The following ERG variants were observed in gnomAD, a reference collection of about 807,000 sequenced individuals.
ERG encodes the protein transcriptional regulator ERG.
Under a neutral mutation model 55.3 loss-of-function variants are expected in ERG, and 9 were observed. The ratio of observed to expected loss-of-function variants is 0.16; its 90% CI spans 0.10 to 0.28. The LOEUF (loss-of-function observed/expected upper bound fraction) is 0.28, where lower values mean the gene tolerates loss of function less well. Ranked by LOEUF, ERG falls within the 10% of genes least tolerant of loss-of-function variation. The probability of loss-of-function intolerance (pLI) is 1.00; values close to 1 mark genes in which losing one functional copy is unlikely to be tolerated. For synonymous variants in ERG, 223 were observed against 237.3 expected (o/e 0.94, Z 0.55); for missense variants, 434 against 631.6 (o/e 0.69, Z 3.35).
At chr21:38,656,249 T>G (rs904025849) in intron 1 of ERG, among the ~76,000 whole-genome samples, 5 of 152,140 alleles carry the variant, frequency 3.3e-5, no homozygotes, top group African/African-American at 4.8e-5. Context: ...TTGTCCCATG[T>G]CATTGGGCCA....
chr21:38,658,347 C>T (rs1315361269), intron 1 of ERG, among the ~76,000 whole-genome samples: 1 of 152,150 alleles, frequency 6.6e-6, no homozygotes. Context: ...GGCTCTGTGT[C>T]GACACCTTCT....
chr21:38,552,846 G>GAAAAA (rs56278724), intron 2 of ERG, among the ~76,000 whole-genome samples: 1 of 127,878 alleles, frequency 7.8e-6, no homozygotes, highest in Admixed American at 8.2e-5. Flanking sequence ...TCAAGCAAGA[G>GAAAAA]AAAAAAAAAA....
chr21:38,438,150 G>A (rs923608113), intron 2 of ERG, among the ~76,000 whole-genome samples: 2 of 152,086 alleles, frequency 1.3e-5, no homozygotes, highest in African/African-American at 2.4e-5. Context: ...GTTTAATCAC[G>A]GGCATTCTCC....
At chr21:38,594,620 T>A (rs1177040016) in intron 1 of ERG, among the ~76,000 whole-genome samples, 2 of 152,060 alleles carry the variant, frequency 1.3e-5, no homozygotes, top group South Asian at 4.1e-4. Flanking sequence ...ACATAGCTGC[T>A]CCAGTAAGAA....
At chr21:38,594,784 A>G (rs757568137) in intron 1 of ERG, among the ~76,000 whole-genome samples, 1 of 152,368 alleles carries the variant, frequency 6.6e-6, no homozygotes, top group East Asian at 1.9e-4. Flanking sequence ...AATCAAATGC[A>G]GCTTGCAGAA....
At chr21:38,458,128 T>C (rs1468039595) in intron 1 of ERG, among the ~76,000 whole-genome samples, 3 of 152,124 alleles carry the variant, frequency 2.0e-5, no homozygotes, top group Non-Finnish European at 4.4e-5. Context: ...CCCTGGGCCC[T>C]GTAAAAGAGC....
chr21:38,453,270 AAAG>A (rs2058957816), intron 1 of ERG, among the ~76,000 whole-genome samples: 1 of 152,246 alleles, frequency 6.6e-6, no homozygotes, highest in Admixed American at 6.5e-5. Flanking sequence ...AACGTTTGCA[AAAG>A]AAGGAGGGAG....
chr21:38,394,504 C>T (rs9983916), intron 6 of ERG, among the ~76,000 whole-genome samples: 8,293 of 152,126 alleles, frequency 0.055, 345 homozygotes, highest in Admixed American at 0.12. Flanking sequence ...AGGTGCCTGC[C>T]ACCATGCCTG....
chr21:38,493,818 C>T (rs967255296), intron 1 of ERG, among the ~76,000 whole-genome samples: 4 of 152,198 alleles, frequency 2.6e-5, no homozygotes, highest in Non-Finnish European at 4.4e-5. Flanking sequence ...CCTTCCCTGT[C>T]CTGTGGCTGC....
At chr21:38,411,641 C>A (rs539165844) in intron 3 of ERG, among the ~76,000 whole-genome samples, 15 of 152,254 alleles carry the variant, frequency 9.9e-5, no homozygotes, top group African/African-American at 2.9e-4. Flanking sequence ...CGGTTTGTTA[C>A]TCTTTTGGCG....
At chr21:38,479,925 T>G (rs2059222059) in intron 1 of ERG, among the ~76,000 whole-genome samples, 1 of 152,198 alleles carries the variant, frequency 6.6e-6, no homozygotes, top group Non-Finnish European at 1.5e-5. Context: ...ACTTTCACCT[T>G]TTCACTGAAA....
At chr21:38,604,122 G>A (rs902553725) in intron 1 of ERG, among the ~76,000 whole-genome samples, 5 of 151,816 alleles carry the variant, frequency 3.3e-5, no homozygotes, top group African/African-American at 4.8e-5. Flanking sequence ...GCATGGTAGC[G>A]GGCGCCTGTG....
chr21:38,403,817 C>T, intron 3 of ERG, 108 bp from the exon 4 acceptor site: 1 of 1,025,440 alleles, frequency 9.8e-7, no homozygotes, highest in South Asian at 1.4e-5. Context: ...TCCACAAGCA[C>T]AGCCTCCAGC....
At position 38,383,356 on chromosome 21, in the gene ERG, G is replaced by C; in HGVS notation, c.*47C>G. ...CATGTTCTCCGATAGAGTTTGTGGC[G>C]ATGGGCTGGTGAATGCACGCTGATG... On this transcript the variant is annotated 3_prime_UTR_variant, in exon 10 of 10. Transcript: ENST00000288319. This position sits in a 1 kb window ranked among gnomAD's most constrained non-coding sequence, Gnocchi z 5.7. 1 of 1,440,136 alleles carries C rather than the reference G, an allele frequency of 6.9e-7. No individual in the cohort carries two copies. The highest frequency in any genetic ancestry group is 2.3e-5 in the East Asian group (1 of 42,630). The allele number at this position is 1,440,136 out of a possible 1,614,324, so 89.2% of individuals were successfully genotyped here.
rs146795824 is a variant in ERG, at chr21:38,624,494, C to T, written c.-150+37164G>A. Among the ~76,000 whole-genome samples, 11 of 152,310 alleles carry T rather than the reference C, an allele frequency of 7.2e-5. No individual in the cohort carries two copies. In the East Asian group the frequency reaches 1.7e-3, roughly 24 times the overall value. On this transcript the variant is annotated intron_variant, in intron 1 of 10. Transcript: ENST00000398910. ...AAAAAACTCTCCTCCCTACTCATCC[C>T]GGCGAACTCCTGCCTGCCCCTTAGA...
intron 3 of ERG, among the ~76,000 whole-genome samples, chr21:38,414,156 T>C (rs1427278561): frequency 1.3e-5 from 2 of 152,210 alleles, no homozygotes; most frequent in Admixed American, 1.3e-4. Flanking sequence ...AATTGAATGT[T>C]CCATTGCTTG....
chr21:38,465,295 G>C (rs1601442908), intron 1 of ERG, among the ~76,000 whole-genome samples: 1 of 152,174 alleles, frequency 6.6e-6, no homozygotes. Context: ...CAAGAGAAAA[G>C]CCGATCTGAA....
chr21:38,489,022 C>T (rs1279496114), intron 1 of ERG, among the ~76,000 whole-genome samples: 3 of 152,172 alleles, frequency 2.0e-5, no homozygotes, highest in African/African-American at 4.8e-5. Flanking sequence ...TAATGGACCA[C>T]GCATTCGGAG....
At chr21:38,398,591 G>A (rs780549323) in intron 6 of ERG, among the ~76,000 whole-genome samples, 4 of 152,188 alleles carry the variant, frequency 2.6e-5, no homozygotes, top group Non-Finnish European at 5.9e-5. Context: ...AGGTGTCTGA[G>A]TTTGCCACCC....
Sources: allele counts gnomAD v4.1 joint callset (sites outside exome capture counted in the v4.1 genomes callset), GRCh38; gene constraint gnomAD v4.1.1; non-coding constraint Gnocchi (gnomAD v3.1); transcripts MANE v1.5; gene names NCBI Gene and HGNC (gene_info 2026-07-23, HGNC 2026-07-21).